The following MLPH variants were observed in gnomAD, a reference collection of about 807,000 sequenced individuals.
The protein encoded by MLPH is exophilin-3.
Under a neutral mutation model 72.1 loss-of-function variants are expected in MLPH, and 51 were observed. The observed-to-expected ratio is 0.71, with a 90% CI of 0.56 to 0.89. MLPH has a LOEUF of 0.89. Among genes scored for constraint, MLPH ranks in the 40% least tolerant of loss-of-function variants. The probability of loss-of-function intolerance (pLI) is 0.00; values close to 1 mark genes in which losing one functional copy is unlikely to be tolerated. For synonymous variants in MLPH, 301 were observed against 310.1 expected, an observed-to-expected ratio of 0.97 and a Z score of 0.31; for missense variants, 743 against 759.9, an observed-to-expected ratio of 0.98 and a Z score of 0.26.
intron 14 of MLPH, among the ~76,000 whole-genome samples, chr2:237,551,794 A>AT (rs961921972): frequency 1.8e-4 from 28 of 152,198 alleles, no homozygotes; most frequent in African/African-American, 5.8e-4. Flanking sequence ...CCTGGCCAAC[A>AT]TGGTGAAACC....
chr2:237,517,352 T>G (rs1223844180), intron 4 of MLPH, among the ~76,000 whole-genome samples: 1 of 150,824 alleles, frequency 6.6e-6, no homozygotes, highest in Non-Finnish European at 1.5e-5. Context: ...GATGGGCGGA[T>G]AGATAGGTAG....
intron 9 of MLPH, among the ~76,000 whole-genome samples, chr2:237,538,102 G>A (rs2080577447): frequency 6.6e-6 from 1 of 152,252 alleles, no homozygotes; most frequent in South Asian, 2.1e-4. Context: ...TCTGCTCCCA[G>A]CACCGGCTCC....
intron 5 of MLPH, 104 bp from the exon 6 acceptor site, chr2:237,519,806 G>A (rs57301249): frequency 7.4e-5 from 114 of 1,549,370 alleles, no homozygotes; most frequent in Middle Eastern, 1.7e-4. Flanking sequence ...AGCCTGCCCC[G>A]CCCCTCTGGG....
In MLPH at chr2:237,552,561, G is replaced by A. The variant is rs1333049116; in HGVS notation, c.1776+124G>A. ...AAACAAAACAAAGATTCAGACCTGA[G>A]AATCAAAGCAAAAAGTAAAGTAAAA... is the stretch of plus-strand genomic sequence containing the variant. On this transcript the variant is annotated intron_variant, in intron 15 of 15. Coordinates refer to ENST00000264605, the MANE Select transcript of MLPH (RefSeq NM_024101.7). The A allele has an allele frequency of 6.2e-6, 5 of 801,602 alleles. No homozygotes were observed. In the Admixed American group the frequency reaches 1.0e-4, roughly 16 times the overall value. The allele number at this position is 801,602 out of a possible 1,614,324, so 49.7% of individuals were successfully genotyped here. A position where few individuals can be genotyped will look rare whatever the true frequency, so the allele number is the denominator to read the frequency against.
chr2:237,499,745 T>G (rs1289291317), intron 2 of MLPH, among the ~76,000 whole-genome samples: 1 of 152,212 alleles, frequency 6.6e-6, no homozygotes, highest in Non-Finnish European at 1.5e-5. Flanking sequence ...CATTTTACTT[T>G]TTTTTTGTTT....
rs1480206394 is a variant in MLPH, at chr2:237,510,676, C to A, written c.213C>A (p.Tyr71Ter). 6.2e-7 allele frequency: 1 copy of A among 1,613,700 alleles called. No homozygotes were observed. Among genetic ancestry groups the A allele is most frequent in the Non-Finnish European group, 8.5e-7 (1 of 1,180,038 alleles). ...ACTGCGCCCGCTGCCTGCAGCCCTA[C>A]CAGCTGCTTGTGAATAGCAAAAGGC... Reference protein sequence around the residue: ...ETHCARCLQPYQLLVNSKRQC... With the variant: ...ETHCARCLQP Residue 71 changes from tyrosine to a stop codon, truncating the protein, a stop_gained, in exon 3 of 16, where the codon TAC becomes TAA. Transcript: ENST00000264605. LOFTEE classifies it high-confidence loss of function. The surrounding 1 kb of genome is among the most constrained non-coding windows in gnomAD (Gnocchi z 4.4).
At chr2:237,507,905 C>T (rs1438876583) in intron 2 of MLPH, among the ~76,000 whole-genome samples, 1 of 152,140 alleles carries the variant, frequency 6.6e-6, no homozygotes, top group East Asian at 1.9e-4. Context: ...AAGTTTCTAG[C>T]TCAGGTGGCG....
chr2:237,538,359 C>T (rs1204202629), intron 9 of MLPH, among the ~76,000 whole-genome samples: 5 of 152,178 alleles, frequency 3.3e-5, no homozygotes, highest in South Asian at 2.1e-4. Flanking sequence ...CAGGGACAGA[C>T]GACTGAGGTT....
chr2:237,534,505 G>A (rs191326237), intron 8 of MLPH, 59 bp from the exon 9 acceptor site: 32 of 1,417,132 alleles, frequency 2.3e-5, no homozygotes, highest in Non-Finnish European at 3.1e-5. Flanking sequence ...GGGTGCCAGT[G>A]TCTTGCTGGT....
intron 4 of MLPH, among the ~76,000 whole-genome samples, chr2:237,513,243 G>C (rs796430661): frequency 1.7e-4 from 26 of 152,356 alleles, no homozygotes; most frequent in African/African-American, 6.0e-4. Context: ...CAGAGTGCTG[G>C]TGTTTCACCA....
chr2:237,499,317 A>G (rs2106470228), intron 2 of MLPH, among the ~76,000 whole-genome samples: 1 of 152,142 alleles, frequency 6.6e-6, no homozygotes, highest in African/African-American at 2.4e-5. Flanking sequence ...ATTAAAATTA[A>G]TTATAATTAA....
chr2:237,525,325 G>T lies in MLPH; in HGVS notation c.676-276G>T, dbSNP rs559863752. Among the ~76,000 whole-genome samples, 3 of 152,326 alleles carry T rather than the reference G, an allele frequency of 2.0e-5. No individual in the cohort carries two copies. In the South Asian group the frequency reaches 6.2e-4, roughly 32 times the overall value. ...GTGTCAGGAGAGTTTTGATCCCTTT[G>T]TGTCATGCCTGGCCCAGGGTGTCGT... is the stretch of plus-strand genomic sequence containing the variant. On this transcript the variant is annotated intron_variant, in intron 6 of 15. Coordinates refer to ENST00000264605, the MANE Select transcript of MLPH (RefSeq NM_024101.7).
chr2:237,542,405 C>T (rs2080710699), intron 11 of MLPH, among the ~76,000 whole-genome samples, 162 bp from the exon 12 acceptor site: 1 of 152,150 alleles, frequency 6.6e-6, no homozygotes, highest in Admixed American at 6.5e-5. Context: ...GCCAAGGGGA[C>T]CACCAACATG....
chr2:237,553,179 G>A (rs2081072309), intron 15 of MLPH: 1 of 480,888 alleles, frequency 2.1e-6, no homozygotes, highest in Admixed American at 2.3e-5. Flanking sequence ...AGTTACACAT[G>A]AAGACTTGGC....
In MLPH at chr2:237,512,614, C is replaced by T. The variant is rs2079928488; in HGVS notation, c.445+1513C>T. ...TGATCATGAAGCCTAGCAGCAAATC[C>T]CACCTCCCCACACGCACACGGCCAG... On this transcript the variant is annotated intron_variant, in intron 4 of 15. Coordinates refer to ENST00000264605, the MANE Select transcript of MLPH (RefSeq NM_024101.7). This position sits in a 1 kb window ranked among gnomAD's most constrained non-coding sequence, Gnocchi z 5.5. 6.6e-6 allele frequency among the ~76,000 whole-genome samples: 1 copy of T among 152,050 alleles called. No individual in the cohort carries two copies. Among genetic ancestry groups the T allele is most frequent in the Non-Finnish European group, 1.5e-5 (1 of 68,022 alleles).
rs542983887 is a variant in MLPH, at chr2:237,539,037, C to T, written c.1105-1311C>T. 3.3e-5 allele frequency among the ~76,000 whole-genome samples: 5 copies of T among 152,084 alleles called. No individual in the cohort carries two copies. The South Asian group carries it at 6.2e-4, about 19-fold the overall frequency. Reference sequence around the variant, plus strand: ...CAGGAGACAGCCCGGCCAAGATGGGCGAGGCAGGGGCGGGTGGGCGCGCAG... The same window carrying T: ...CAGGAGACAGCCCGGCCAAGATGGGTGAGGCAGGGGCGGGTGGGCGCGCAG... On this transcript the variant is annotated intron_variant, in intron 9 of 15. Coordinates refer to ENST00000264605, the MANE Select transcript of MLPH (RefSeq NM_024101.7).
chr2:237,496,859 A>AT (rs1365581072), intron 2 of MLPH, among the ~76,000 whole-genome samples: 1 of 152,218 alleles, frequency 6.6e-6, no homozygotes, highest in African/African-American at 2.4e-5. Context: ...AGAATACTGA[A>AT]TGCCCAAGTG....
chr2:237,494,700 G>T (rs1404968960), intron 2 of MLPH, among the ~76,000 whole-genome samples: 1 of 152,180 alleles, frequency 6.6e-6, no homozygotes, highest in Non-Finnish European at 1.5e-5. Context: ...GGCCACAGAT[G>T]GAGAGGTTTG....
At chr2:237,539,229 T>G (rs759462920) in intron 9 of MLPH, among the ~76,000 whole-genome samples, 1 of 149,548 alleles carries the variant, frequency 6.7e-6, no homozygotes, top group African/African-American at 2.5e-5. Context: ...GTTGTGGAGG[T>G]GGGGGTGAGG....
Sources: gnomAD v4.1 joint callset for allele counts (sites outside exome capture counted in the v4.1 genomes callset) on GRCh38, gnomAD v4.1.1 for gene constraint, Gnocchi (gnomAD v3.1) non-coding constraint, MANE v1.5 for transcripts, NCBI Gene and HGNC (gene_info 2026-07-23, HGNC 2026-07-21) for gene names.